CDH12: variants seen among roughly 807,000 people sequenced by gnomAD.
CDH12 encodes the protein cadherin 12.
In CDH12, 41 loss-of-function variants were observed where a neutral mutation model predicts 74.1. The ratio of observed to expected loss-of-function variants is 0.55; its 90% CI spans 0.43 to 0.72. The LOEUF (loss-of-function observed/expected upper bound fraction) is 0.72, where lower values mean the gene tolerates loss of function less well. Ranked by LOEUF, CDH12 falls within the 30% of genes least tolerant of loss-of-function variation. CDH12 has a pLI of 0.00. For synonymous variants in CDH12, 399 were observed against 355.0 expected (o/e 1.12, Z -1.39); for missense variants, 945 against 977.2 (o/e 0.97, Z 0.44).
At chr5:22,614,534 G>C (rs1737591155) in intron 1 of CDH12, among the ~76,000 whole-genome samples, 1 of 41,430 alleles carries the variant, frequency 2.4e-5, no homozygotes, top group Non-Finnish European at 4.8e-5. Flanking sequence ...TTAATTTGTG[G>C]AAACACAATT....
Position 22,051,413 on chromosome 5 carries a change from C to T in CDH12, c.231+27033G>A, listed in dbSNP as rs373964817. On this transcript the variant is annotated intron_variant, in intron 5 of 14. Coordinates refer to ENST00000382254, the MANE Select transcript of CDH12 (RefSeq NM_004061.5). ...TTTTAATTCTATACATAATTTTTAA[C>T]ATATGTAACATGATATAAAGAATAT... 5.3e-5 allele frequency among the ~76,000 whole-genome samples: 8 copies of T among 152,026 alleles called. No individual in the cohort carries two copies. In the East Asian group the frequency reaches 1.2e-3, roughly 22 times the overall value.
chr5:21,761,712 TGTAG>T (rs1276047173), intron 12 of CDH12, among the ~76,000 whole-genome samples: 2 of 149,360 alleles, frequency 1.3e-5, no homozygotes, highest in Non-Finnish European at 3.0e-5. Flanking sequence ...ATGTTAGATA[TGTAG>T]GTAGGTAGAT....
intron 5 of CDH12, among the ~76,000 whole-genome samples, chr5:22,054,346 T>A (rs188876084): frequency 8.6e-4 from 131 of 152,260 alleles, no homozygotes; most frequent in African/African-American, 2.9e-3. Flanking sequence ...TTCATATATA[T>A]AGATATCTGG....
chr5:21,928,505 C>A (rs1377817224), intron 6 of CDH12, among the ~76,000 whole-genome samples: 2 of 152,086 alleles, frequency 1.3e-5, no homozygotes, highest in Non-Finnish European at 2.9e-5. Context: ...ATTGCATGTT[C>A]CAAAGCACAC....
intron 3 of CDH12, among the ~76,000 whole-genome samples, chr5:22,342,235 A>G (rs1315313205): frequency 6.6e-6 from 1 of 152,238 alleles, no homozygotes; most frequent in Non-Finnish European, 1.5e-5. Flanking sequence ...GTTTCAACAC[A>G]TAAACTTGAG....
intron 6 of CDH12, among the ~76,000 whole-genome samples, chr5:21,886,120 T>G (rs1752614849): frequency 6.6e-6 from 1 of 152,206 alleles, no homozygotes; most frequent in African/African-American, 2.4e-5. Context: ...GCTTTCATGT[T>G]GCTCTCTGGA....
intron 3 of CDH12, among the ~76,000 whole-genome samples, chr5:22,240,679 GCC>G (rs767091321): frequency 0.07 from 10,572 of 152,042 alleles, 477 homozygotes; most frequent in South Asian, 0.15. Context: ...GATTACAGGC[GCC>G]TGCCACCATG....
chr5:22,615,975 C>T lies in CDH12; in HGVS notation c.-522-110611G>A, dbSNP rs551954805. Among the ~76,000 whole-genome samples the T allele has an allele frequency of 3.3e-5, 5 of 152,192 alleles. No individual in the cohort carries two copies. In the South Asian group the frequency reaches 1.0e-3, roughly 32 times the overall value. On this transcript the variant is annotated intron_variant, in intron 1 of 14. Transcript: ENST00000382254. ...TATATATTATTTGCCTTTTGAGAGG[C>T]AAGGCTTTAAGAAAGATAGATCTGC... is the stretch of plus-strand genomic sequence containing the variant.
intron 1 of CDH12, among the ~76,000 whole-genome samples, chr5:22,528,467 C>T (rs1737389075): frequency 6.6e-6 from 1 of 152,098 alleles, no homozygotes; most frequent in Non-Finnish European, 1.5e-5. Context: ...TCTGAGAGCT[C>T]AACTTGCATT....
chr5:22,650,365 C>T (rs1335007884), intron 1 of CDH12, among the ~76,000 whole-genome samples: 1 of 151,854 alleles, frequency 6.6e-6, no homozygotes, highest in Non-Finnish European at 1.5e-5. Flanking sequence ...AGTCTTTGAC[C>T]ACTTAGTTAG....
rs530410441 is a variant in CDH12, at chr5:22,318,900, G to A, written c.-333+86357C>T. 9.2e-5 allele frequency among the ~76,000 whole-genome samples: 14 copies of A among 152,164 alleles called. No homozygotes were observed. In the South Asian group the frequency reaches 2.9e-3, roughly 32 times the overall value. On this transcript the variant is annotated intron_variant, in intron 3 of 14. Coordinates refer to ENST00000382254, the MANE Select transcript of CDH12 (RefSeq NM_004061.5). Reference sequence around the variant, plus strand: ...GGTAGGGGAAAAAAAAACAGTTAATGGCTTTGCTCATCTAATGTATGTGTC... The same window carrying A: ...GGTAGGGGAAAAAAAAACAGTTAATAGCTTTGCTCATCTAATGTATGTGTC...
Position 22,610,837 on chromosome 5 carries a change from T to C in CDH12, c.-522-105473A>G, listed in dbSNP as rs143737364. ...TATTTTGATCACTTTCTATATATGT[T>C]GGTTATGGTGGAAAATAATTGTATA... is the stretch of plus-strand genomic sequence containing the variant. On this transcript the variant is annotated intron_variant, in intron 1 of 14. Coordinates refer to ENST00000382254, the MANE Select transcript of CDH12 (RefSeq NM_004061.5). Among the ~76,000 whole-genome samples the C allele has an allele frequency of 8.0e-3, 1,215 of 152,058 alleles. 14 individuals carry two copies. The highest frequency in any genetic ancestry group is 0.028 in the African/African-American group (1,177 of 41,544).
At chr5:22,672,503 T>A (rs2126916100) in intron 1 of CDH12, among the ~76,000 whole-genome samples, 1 of 152,230 alleles carries the variant, frequency 6.6e-6, no homozygotes, top group African/African-American at 2.4e-5. Flanking sequence ...AGAGGATGAA[T>A]CCAACTTGAT....
intron 5 of CDH12, among the ~76,000 whole-genome samples, chr5:22,077,899 T>A (rs1742441400): frequency 6.6e-6 from 1 of 152,160 alleles, no homozygotes; most frequent in Admixed American, 6.6e-5. Context: ...AATATATAAA[T>A]TATTTATAAA....
At chr5:22,430,023 G>C (rs1744101963) in intron 2 of CDH12, among the ~76,000 whole-genome samples, 1 of 152,056 alleles carries the variant, frequency 6.6e-6, no homozygotes, top group Non-Finnish European at 1.5e-5. Context: ...GGTTACAGAT[G>C]GTAACTACCA....
intron 1 of CDH12, among the ~76,000 whole-genome samples, chr5:22,665,644 C>T (rs750045728): frequency 1.3e-5 from 2 of 152,104 alleles, no homozygotes; most frequent in Non-Finnish European, 2.9e-5. Flanking sequence ...CTCCCTCGGC[C>T]TCCATCCCAC....
chr5:21,851,231 G>A (rs1394419821), intron 7 of CDH12, among the ~76,000 whole-genome samples: 1 of 150,800 alleles, frequency 6.6e-6, no homozygotes, highest in Non-Finnish European at 1.5e-5. Flanking sequence ...AATCATTTAG[G>A]GAAAATTTAA....
In CDH12 at chr5:21,861,085, TC is replaced by T. The variant is rs199960300; in HGVS notation, c.527-6296del. Among the ~76,000 whole-genome samples the T allele has an allele frequency of 1.8e-3, 270 of 152,126 alleles. 2 individuals carry two copies. Among genetic ancestry groups the T allele is most frequent in the Admixed American group, 0.011 (162 of 15,254 alleles). On this transcript the variant is annotated intron_variant, in intron 6 of 14. Transcript: ENST00000382254. ...AGTGTTGAGGGAAACCTCAGGAATA[TC>T]AGAGCCACCTTCACTGCGGATCAAA...
At chr5:22,284,300 T>C (rs1057425794) in intron 3 of CDH12, among the ~76,000 whole-genome samples, 1 of 152,152 alleles carries the variant, frequency 6.6e-6, no homozygotes, top group Non-Finnish European at 1.5e-5. Flanking sequence ...CACAGCAATA[T>C]ACATTAATTA....
Sources: gnomAD v4.1 joint callset for allele counts (sites outside exome capture counted in the v4.1 genomes callset) on GRCh38, gnomAD v4.1.1 for gene constraint, MANE v1.5 for transcripts, NCBI Gene and HGNC (gene_info 2026-07-23, HGNC 2026-07-21) for gene names.